Variants in WDR17 observed in about 807,000 individuals in gnomAD.
WDR17 encodes the protein WD repeat-containing protein 17.
WDR17 carries 143 observed loss-of-function variants against 161.7 expected under a neutral mutation model. That is an observed-to-expected ratio of 0.88 (90% CI 0.77 to 1.02). The LOEUF is 1.02. Ranked by LOEUF, WDR17 falls within the 50% of genes least tolerant of loss-of-function variation. The pLI is 0.00. For synonymous variants in WDR17, 517 were observed against 515.6 expected, an observed-to-expected ratio of 1.00 and a Z score of -0.04; for missense variants, 1,469 against 1,520.9, an observed-to-expected ratio of 0.97 and a Z score of 0.57.
chr4:176,118,660 C>T (rs922448279), intron 3 of WDR17, among the ~76,000 whole-genome samples: 2 of 152,126 alleles, frequency 1.3e-5, no homozygotes, highest in Admixed American at 6.6e-5. Context: ...AAACTCTACC[C>T]CTCCTTCTAG....
chr4:176,142,304 T>C (rs1352589454), intron 11 of WDR17, among the ~76,000 whole-genome samples: 1 of 152,248 alleles, frequency 6.6e-6, no homozygotes, highest in African/African-American at 2.4e-5. Flanking sequence ...AAAAACTTTC[T>C]AATACTTAGG....
chr4:176,106,276 A>G (rs975699321), intron 1 of WDR17, among the ~76,000 whole-genome samples: 5 of 151,672 alleles, frequency 3.3e-5, no homozygotes, highest in Non-Finnish European at 7.4e-5. Context: ...TCCTGCAAAT[A>G]TATATAAATT....
At chr4:176,094,160 A>C (rs1372895936) in intron 1 of WDR17, among the ~76,000 whole-genome samples, 1 of 152,192 alleles carries the variant, frequency 6.6e-6, no homozygotes, top group African/African-American at 2.4e-5. Context: ...CCCCACAAGG[A>C]ATTGGATAGT....
At chr4:176,115,189 A>G (rs984039483) in intron 2 of WDR17, among the ~76,000 whole-genome samples, 1 of 152,066 alleles carries the variant, frequency 6.6e-6, no homozygotes, top group Non-Finnish European at 1.5e-5. Flanking sequence ...ATTCCAAAAC[A>G]TGCTAAAAAT....
At chr4:176,085,575 C>G (rs572391655) in intron 1 of WDR17, among the ~76,000 whole-genome samples, 67 of 152,064 alleles carry the variant, frequency 4.4e-4, no homozygotes, top group African/African-American at 1.5e-3. Flanking sequence ...CCAAGTTATC[C>G]AATATATTGG....
chr4:176,167,666 A>AAAAAAAAAAAAAACC (rs1561210753), intron 22 of WDR17, among the ~76,000 whole-genome samples: 1 of 139,866 alleles, frequency 7.1e-6, no homozygotes, highest in African/African-American at 2.6e-5. Context: ...AAAAAAAAAA[A>AAAAAAAAAAAAAACC]AAAAAACAAT....
intron 22 of WDR17, among the ~76,000 whole-genome samples, chr4:176,166,829 G>A (rs1285542955): frequency 6.6e-6 from 1 of 152,164 alleles, no homozygotes; most frequent in African/African-American, 2.4e-5. Context: ...AATAGAAAAT[G>A]TGGCAGTTTG....
chr4:176,130,170 C>T (rs934738612), intron 6 of WDR17, among the ~76,000 whole-genome samples: 2 of 152,116 alleles, frequency 1.3e-5, no homozygotes, highest in Non-Finnish European at 2.9e-5. Context: ...TAAACGTACT[C>T]GCTGAATTCT....
At chr4:176,118,543 A>G (rs1172423899) in intron 3 of WDR17, among the ~76,000 whole-genome samples, 1 of 152,184 alleles carries the variant, frequency 6.6e-6, no homozygotes, top group Non-Finnish European at 1.5e-5. Flanking sequence ...TGGAGCACAT[A>G]GACTGTTAAC....
chr4:176,075,776 G>C (rs1474987803), intron 1 of WDR17, among the ~76,000 whole-genome samples: 1 of 151,920 alleles, frequency 6.6e-6, no homozygotes, highest in Non-Finnish European at 1.5e-5. Flanking sequence ...TTCAAGATCA[G>C]CTTGGGCAAC....
intron 26 of WDR17, among the ~76,000 whole-genome samples, chr4:176,176,776 A>G (rs1247118474): frequency 1.3e-5 from 2 of 151,216 alleles, no homozygotes; most frequent in East Asian, 2.0e-4. Context: ...AACTTGTCCA[A>G]CCATTCTTCA....
At chr4:176,145,919 G>T (rs1364821407) in intron 11 of WDR17, 76 bp from the exon 12 acceptor site, 3 of 1,310,524 alleles carry the variant, frequency 2.3e-6, no homozygotes, top group Non-Finnish European at 3.1e-6. Flanking sequence ...TTAGAAATTA[G>T]AACTATGGTA....
intron 1 of WDR17, among the ~76,000 whole-genome samples, chr4:176,088,840 G>T (rs185876498): frequency 2.0e-5 from 3 of 152,126 alleles, no homozygotes; most frequent in Admixed American, 6.5e-5. Context: ...TTCTTCATCT[G>T]CTTGTCCCTG....
chr4:176,145,900 A>C, intron 11 of WDR17, 95 bp from the exon 12 acceptor site: 3 of 1,184,188 alleles, frequency 2.5e-6, no homozygotes, highest in South Asian at 4.2e-5. Context: ...GGAAGCAAAA[A>C]TTCTACTTTT....
At chr4:176,088,271 T>C (rs1413958642) in intron 1 of WDR17, among the ~76,000 whole-genome samples, 1 of 152,190 alleles carries the variant, frequency 6.6e-6, no homozygotes, top group Non-Finnish European at 1.5e-5. Flanking sequence ...AAGCACAGTA[T>C]ATACTTTGTC....
chr4:176,177,488 C>T lies in WDR17; in HGVS notation c.3566C>T (p.Pro1189Leu), dbSNP rs767687798. The T allele has an allele frequency of 1.5e-5, 23 of 1,563,186 alleles. No individual in the cohort carries two copies. In the Middle Eastern group the frequency reaches 1.5e-3, roughly 105 times the overall value. The change falls in exon 28 of 29, where the codon CCG (proline) becomes CTG (leucine). Residue 1189 changes from proline to leucine, a missense_variant. Physicochemically the swap from Pro to Leu is moderately conservative, Grantham distance 98. Transcript: ENST00000508596. ...QSTNRSLEDSPYTPPSDSQRM... is the reference protein window; with the variant it reads ...QSTNRSLEDSLYTPPSDSQRM... ...AAATATAGATCATTAGAAGACTCTC[C>T]GTATACACCCCCTTCTGATTCACAA...
chr4:176,076,466 T>G (rs1734050932), intron 1 of WDR17, among the ~76,000 whole-genome samples: 1 of 149,700 alleles, frequency 6.7e-6, no homozygotes, highest in African/African-American at 2.5e-5. Flanking sequence ...GTAGTTTTAC[T>G]TGTGCTTTAG....
intron 1 of WDR17, among the ~76,000 whole-genome samples, chr4:176,076,625 T>C (rs1734070938): frequency 6.6e-6 from 1 of 150,462 alleles, no homozygotes; most frequent in Non-Finnish European, 1.5e-5. Flanking sequence ...ATTGATATGA[T>C]TTTTTTTTGC....
At chr4:176,112,449 A>G (rs969245512) in intron 2 of WDR17, among the ~76,000 whole-genome samples, 2 of 152,222 alleles carry the variant, frequency 1.3e-5, no homozygotes, top group Non-Finnish European at 2.9e-5. Context: ...AGTAACATCT[A>G]AACTTCATAA....
Sources: allele counts gnomAD v4.1 joint callset (sites outside exome capture counted in the v4.1 genomes callset), GRCh38; gene constraint gnomAD v4.1.1; transcripts MANE v1.5; gene names NCBI Gene and HGNC (gene_info 2026-07-23, HGNC 2026-07-21).